IQCB1: variants seen among roughly 807,000 people sequenced by gnomAD.
The protein encoded by IQCB1 is IQ motif containing B1.
Under a neutral mutation model 84.4 loss-of-function variants are expected in IQCB1, and 56 were observed. That is an observed-to-expected ratio of 0.66 (90% CI 0.54 to 0.83). IQCB1 has a LOEUF of 0.83. Among genes scored for constraint, IQCB1 ranks in the 40% least tolerant of loss-of-function variants. The pLI, the probability that IQCB1 is intolerant of heterozygous loss-of-function variation, is 0.00. For synonymous variants in IQCB1, 210 were observed against 234.8 expected, an observed-to-expected ratio of 0.89 and a Z score of 0.96; for missense variants, 629 against 682.1, an observed-to-expected ratio of 0.92 and a Z score of 0.87.
rs368367695 is a variant in IQCB1 at position 121,786,693 on chromosome 3, C to T, written c.1278+1591G>A. 5.3e-5 allele frequency among the ~76,000 whole-genome samples: 8 copies of T among 152,218 alleles called. No individual in the cohort carries two copies. The East Asian group carries it at 1.2e-3, about 22-fold the overall frequency. On this transcript the variant is annotated intron_variant, in intron 12 of 14. Transcript: ENST00000310864. ...AGGCAAATGTGACTAATCTTCCTTT[C>T]GTGCCAATGGAAAGTATAAAAGCCA...
chr3:121,794,162 T>C (rs926593703), intron 10 of IQCB1, among the ~76,000 whole-genome samples: 1 of 152,080 alleles, frequency 6.6e-6, no homozygotes, highest in African/African-American at 2.4e-5. Flanking sequence ...GCTTGTAAGA[T>C]AGGCAATAAA....
At chr3:121,783,477 C>T (rs1948587601) in intron 12 of IQCB1, among the ~76,000 whole-genome samples, 1 of 152,138 alleles carries the variant, frequency 6.6e-6, no homozygotes, top group Admixed American at 6.5e-5. Context: ...CACTTTTGAA[C>T]AATATAGTAC....
chr3:121,808,122 A>G (rs1164371454), intron 6 of IQCB1, among the ~76,000 whole-genome samples: 3 of 152,022 alleles, frequency 2.0e-5, no homozygotes, highest in Non-Finnish European at 4.4e-5. Flanking sequence ...ATAACTGAGC[A>G]TAACTACCAA....
At chr3:121,808,879 C>A (rs752960222) in intron 6 of IQCB1, 37 bp downstream of exon 6, 5 of 1,251,974 alleles carry the variant, frequency 4.0e-6, no homozygotes, top group Non-Finnish European at 5.9e-6. Flanking sequence ...GTTGACTCTA[C>A]AATAGCTATT....
At chr3:121,785,649 C>T (rs983097981) in intron 12 of IQCB1, among the ~76,000 whole-genome samples, 3 of 152,086 alleles carry the variant, frequency 2.0e-5, no homozygotes, top group Admixed American at 2.0e-4. Context: ...AAACATACAA[C>T]AATATACACA....
intron 5 of IQCB1, among the ~76,000 whole-genome samples, chr3:121,816,652 A>G (rs1950070786): frequency 6.6e-6 from 1 of 152,152 alleles, no homozygotes; most frequent in Non-Finnish European, 1.5e-5. Flanking sequence ...GCCAACAAAC[A>G]TATGAAAAAA....
intron 6 of IQCB1, among the ~76,000 whole-genome samples, 195 bp downstream of exon 6, chr3:121,808,721 T>A (rs1949704361): frequency 6.6e-6 from 1 of 152,036 alleles, no homozygotes; most frequent in African/African-American, 2.4e-5. Context: ...CTTAATTTAA[T>A]ATTCACATTG....
intron 9 of IQCB1, 97 bp from the exon 10 acceptor site, chr3:121,795,663 A>G (rs1278901132): frequency 8.1e-6 from 6 of 740,094 alleles, no homozygotes; most frequent in Admixed American, 2.2e-5. Context: ...GCAAATATTA[A>G]TCTCTAGCTC....
intron 2 of IQCB1, among the ~76,000 whole-genome samples, chr3:121,832,001 A>G (rs914723907): frequency 6.6e-6 from 1 of 152,192 alleles, no homozygotes; most frequent in Non-Finnish European, 1.5e-5. Context: ...GCTGTATGCT[A>G]TTACAAGCAA....
At chr3:121,816,560 A>G (rs764604698) in intron 5 of IQCB1, among the ~76,000 whole-genome samples, 6 of 152,200 alleles carry the variant, frequency 3.9e-5, no homozygotes, top group Non-Finnish European at 5.9e-5. Context: ...AAAGGAACTT[A>G]AACAAATTTA....
chr3:121,824,044 G>C (rs1400571989), intron 5 of IQCB1, among the ~76,000 whole-genome samples: 2 of 152,106 alleles, frequency 1.3e-5, no homozygotes, highest in Non-Finnish European at 2.9e-5. Flanking sequence ...CAGCTTGTCA[G>C]ACTAGATGAA....
intron 5 of IQCB1, among the ~76,000 whole-genome samples, chr3:121,817,257 A>G (rs1244754529): frequency 6.6e-6 from 1 of 152,062 alleles, no homozygotes; most frequent in African/African-American, 2.4e-5. Context: ...GTGGCCTGTC[A>G]GGGGGTAGGG....
chr3:121,795,787 C>T (rs1032295102), intron 9 of IQCB1, among the ~76,000 whole-genome samples: 1 of 152,134 alleles, frequency 6.6e-6, no homozygotes, highest in African/African-American at 2.4e-5. Flanking sequence ...CAAATTCTCC[C>T]AGAATAATCT....
chr3:121,810,461 A>C (rs920784937), intron 5 of IQCB1, among the ~76,000 whole-genome samples: 18 of 152,204 alleles, frequency 1.2e-4, no homozygotes, highest in Non-Finnish European at 2.5e-4. Context: ...TCTTTATCTC[A>C]ATAAAAATAC....
Position 121,801,909 on chromosome 3 carries a change from A to G in IQCB1, c.588-2535T>C, listed in dbSNP as rs1366355993. Among the ~76,000 whole-genome samples, 6 of 130,574 alleles carry G rather than the reference A, an allele frequency of 4.6e-5. No homozygotes were observed. The Admixed American group carries it at 5.1e-4, about 11-fold the overall frequency. The allele number at this position is 130,574 out of a possible 152,430, so 85.7% of individuals were successfully genotyped here. On this transcript the variant is annotated intron_variant, in intron 7 of 14. Coordinates refer to ENST00000310864, the MANE Select transcript of IQCB1 (RefSeq NM_001023570.4). ...ACTGATATGATGGTATGTTTTTTCC[A>G]TTTTTAGCTTGTTAACATAAGTTAC...
chr3:121,799,084 C>T (rs907448687), intron 8 of IQCB1, 112 bp downstream of exon 8: 2 of 720,730 alleles, frequency 2.8e-6, no homozygotes, highest in African/African-American at 1.8e-5. Flanking sequence ...TGAGTTTTAT[C>T]TACATAGGTC....
chr3:121,807,948 A>G (rs1949671142), intron 6 of IQCB1, among the ~76,000 whole-genome samples: 1 of 152,006 alleles, frequency 6.6e-6, no homozygotes, highest in South Asian at 2.1e-4. Context: ...GCAGCCAGTT[A>G]TAACGATTTA....
At chr3:121,789,582 A>T (rs183182064) in intron 11 of IQCB1, among the ~76,000 whole-genome samples, 6 of 152,332 alleles carry the variant, frequency 3.9e-5, no homozygotes, top group Admixed American at 2.6e-4. Flanking sequence ...CCTGGATTGA[A>T]TAACAAGAAG....
rs143553764 is a variant in IQCB1, at chr3:121,790,199, T to C, written c.1003A>G (p.Met335Val). 4.5e-5 allele frequency: 73 copies of C among 1,613,732 alleles called. No homozygotes were observed. The highest frequency in any genetic ancestry group is 5.6e-5 in the Non-Finnish European group (66 of 1,179,788). ...TTCTGCCTATTTATCTCCAGCAACA[T>C]CTTTGATCGTTTGGATCTGTGATGG... is the stretch of plus-strand genomic sequence containing the variant. ...QRSFRSKRSK[M>V]LLEINRQKEE... The change falls in exon 11 of 15, where the codon ATG becomes GTG. Residue 335 changes from methionine (M) to valine (V), a missense_variant. By Grantham distance (21) the Met-to-Val change is conservative. Coordinates refer to ENST00000310864, the MANE Select transcript of IQCB1 (RefSeq NM_001023570.4).
Sources: allele counts gnomAD v4.1 joint callset (sites outside exome capture counted in the v4.1 genomes callset), GRCh38; gene constraint gnomAD v4.1.1; transcripts MANE v1.5; gene names NCBI Gene and HGNC (gene_info 2026-07-23, HGNC 2026-07-21).